ZNF385B: variants seen among roughly 807,000 people sequenced by gnomAD.
The protein encoded by ZNF385B is zinc finger protein 385B, also known as zinc finger protein 533.
In ZNF385B, 23 loss-of-function variants were observed where a neutral mutation model predicts 39.2. The observed-to-expected ratio is 0.59, with a 90% confidence interval of 0.42 to 0.83. The LOEUF (loss-of-function observed/expected upper bound fraction) is 0.83. ZNF385B is among the 40% of genes least tolerant of loss of function. The pLI is 0.00. For missense variants in ZNF385B, 552 were observed against 598.9 expected, an observed-to-expected ratio of 0.92 and a Z score of 0.82; for synonymous variants, 205 against 222.6, an observed-to-expected ratio of 0.92 and a Z score of 0.70.
chr2:179,568,429 T>C (rs569679337), intron 3 of ZNF385B, among the ~76,000 whole-genome samples: 1 of 152,328 alleles, frequency 6.6e-6, no homozygotes, highest in Admixed American at 6.5e-5. Context: ...GGGCCAGGCC[T>C]ATGGTAGGTA....
intron 3 of ZNF385B, among the ~76,000 whole-genome samples, chr2:179,567,265 G>T (rs1684701283): frequency 6.6e-6 from 1 of 151,976 alleles, no homozygotes; most frequent in African/African-American, 2.4e-5. Context: ...CATCTGAATT[G>T]CAATTTTGGA....
In ZNF385B at chr2:179,756,701, C is replaced by A. The variant is rs192456947; in HGVS notation, c.298+12802G>T. ...TTCTTTTTACTCTTTTTTCTCTACA[C>A]TTCTCACTTCATTTCATTCATTTGA... On this transcript the variant is annotated intron_variant, in intron 3 of 9. Coordinates refer to ENST00000410066, the MANE Select transcript of ZNF385B (RefSeq NM_152520.6). 7.2e-3 allele frequency among the ~76,000 whole-genome samples: 1,099 copies of A among 152,278 alleles called. 6 individuals carry two copies. Among genetic ancestry groups the A allele is most frequent in the Non-Finnish European group, 0.011 (763 of 68,028 alleles).
At chr2:179,543,837 A>G (rs1017972509) in intron 4 of ZNF385B, among the ~76,000 whole-genome samples, 2 of 152,172 alleles carry the variant, frequency 1.3e-5, no homozygotes, top group Admixed American at 1.3e-4. Context: ...AGCAGATTTT[A>G]TTGACAATCC....
chr2:179,575,255 A>G (rs906428079), intron 3 of ZNF385B, among the ~76,000 whole-genome samples: 4 of 152,136 alleles, frequency 2.6e-5, no homozygotes, highest in Non-Finnish European at 5.9e-5. Flanking sequence ...ATCCTGTGAT[A>G]ATAAAACATA....
intron 3 of ZNF385B, among the ~76,000 whole-genome samples, chr2:179,686,256 T>A (rs941611772): frequency 2.6e-5 from 4 of 152,178 alleles, no homozygotes; most frequent in African/African-American, 9.6e-5. Context: ...CTTAGGCCTC[T>A]ATATTATAAG....
chr2:179,773,297 T>C (rs970817852), intron 1 of ZNF385B, among the ~76,000 whole-genome samples: 2 of 152,236 alleles, frequency 1.3e-5, no homozygotes, highest in South Asian at 2.1e-4. Context: ...CTCCCTTCTA[T>C]GTAAGTGTGA....
At chr2:179,760,223 C>CGCGCGTGTGTGTGT (rs11282329) in intron 3 of ZNF385B, among the ~76,000 whole-genome samples, 131 of 144,548 alleles carry the variant, frequency 9.1e-4, no homozygotes, top group African/African-American at 2.6e-3. Context: ...TTCCTGTGTG[C>CGCGCGTGTGTGTGT]GTGTGTGTGT....
At chr2:179,617,703 G>C (rs927585501) in intron 3 of ZNF385B, among the ~76,000 whole-genome samples, 1 of 152,074 alleles carries the variant, frequency 6.6e-6, no homozygotes, top group African/African-American at 2.4e-5. Context: ...ACATCAATTT[G>C]AGAACTATTC....
At chr2:179,590,524 G>T (rs1687467775) in intron 3 of ZNF385B, among the ~76,000 whole-genome samples, 1 of 152,072 alleles carries the variant, frequency 6.6e-6, no homozygotes, top group Non-Finnish European at 1.5e-5. Flanking sequence ...GCACTCCTGA[G>T]AATTTTACGT....
At chr2:179,488,887 A>C in intron 5 of ZNF385B, among the ~76,000 whole-genome samples, 1 of 152,216 alleles carries the variant, frequency 6.6e-6, no homozygotes, top group Non-Finnish European at 1.5e-5. Context: ...GCAAAAAATT[A>C]TTTAGTACCT....
At chr2:179,605,196 C>T (rs1688705918) in intron 3 of ZNF385B, among the ~76,000 whole-genome samples, 1 of 152,038 alleles carries the variant, frequency 6.6e-6, no homozygotes, top group Non-Finnish European at 1.5e-5. Context: ...TTTAATTTTA[C>T]CACATGCCAC....
At position 179,490,592 on chromosome 2, in the gene ZNF385B, T is replaced by C. The variant is rs1170262985; in HGVS notation, c.553-7158A>G. On this transcript the variant is annotated intron_variant, in intron 5 of 9. Transcript: ENST00000410066. ...GATGAATTAGAAAGGTGCTGCAGTT[T>C]GAGTTAAAAATCAGCTGGAATATAG... 6.6e-5 allele frequency among the ~76,000 whole-genome samples: 10 copies of C among 150,964 alleles called. No homozygotes were observed. In the East Asian group the frequency reaches 1.4e-3, roughly 20 times the overall value.
chr2:179,754,994 T>C (rs902501378), intron 3 of ZNF385B, among the ~76,000 whole-genome samples: 39 of 152,330 alleles, frequency 2.6e-4, no homozygotes, highest in African/African-American at 9.1e-4. Context: ...TGTTTGCTCT[T>C]GCTTCTCTAG....
chr2:179,625,205 GT>G, intron 3 of ZNF385B, among the ~76,000 whole-genome samples: 1 of 152,178 alleles, frequency 6.6e-6, no homozygotes, highest in East Asian at 1.9e-4. Flanking sequence ...GAAAATCTTT[GT>G]TTTCCCTGAG....
chr2:179,795,217 G>A (rs149230435), intron 1 of ZNF385B, among the ~76,000 whole-genome samples: 1 of 151,804 alleles, frequency 6.6e-6, no homozygotes, highest in East Asian at 1.9e-4. Context: ...GTCAAATATA[G>A]TAGGTAAGAA....
chr2:179,686,962 C>T (rs961665099), intron 3 of ZNF385B, among the ~76,000 whole-genome samples: 12 of 62,746 alleles, frequency 1.9e-4, no homozygotes, highest in Admixed American at 1.1e-3. Context: ...AAAATTTGTA[C>T]TGTTTTTTTT....
At chr2:179,727,625 T>C (rs1469566963) in intron 3 of ZNF385B, among the ~76,000 whole-genome samples, 1 of 152,028 alleles carries the variant, frequency 6.6e-6, no homozygotes, top group Admixed American at 6.6e-5. Context: ...GCTACAAACT[T>C]AGAATTATAT....
At chr2:179,494,952 G>T (rs905149593) in intron 5 of ZNF385B, among the ~76,000 whole-genome samples, 1 of 152,076 alleles carries the variant, frequency 6.6e-6, no homozygotes, top group Non-Finnish European at 1.5e-5. Flanking sequence ...TAGCTACAGG[G>T]CAAAATTCCT....
chr2:179,633,604 T>A (rs999609395), intron 3 of ZNF385B, among the ~76,000 whole-genome samples: 17 of 152,176 alleles, frequency 1.1e-4, no homozygotes, highest in African/African-American at 4.1e-4. Context: ...TCATACTGAA[T>A]GGGCAAAACC....
Sources: gnomAD v4.1 joint callset for allele counts (sites outside exome capture counted in the v4.1 genomes callset) on GRCh38, gnomAD v4.1.1 for gene constraint, MANE v1.5 for transcripts, NCBI Gene and HGNC (gene_info 2026-07-23, HGNC 2026-07-21) for gene names.